NMRK1: variants seen among roughly 807,000 people sequenced by gnomAD.
NMRK1 encodes the protein nicotinamide riboside kinase 1.
NMRK1 carries 28 observed loss-of-function variants against 29.9 expected under a neutral mutation model. The ratio of observed to expected loss-of-function variants is 0.94; its 90% confidence interval spans 0.69 to 1.28. The LOEUF is 1.28. Among genes scored for constraint, NMRK1 ranks in the 50% most tolerant of loss-of-function variants. NMRK1 has a pLI of 0.00. For missense variants in NMRK1, 218 were observed against 233.1 expected (o/e 0.94, Z 0.42); for synonymous variants, 58 against 73.0 (o/e 0.79, Z 1.05).
At chr9:75,081,949 G>C in intron 2 of NMRK1, among the ~76,000 whole-genome samples, 1 of 152,158 alleles carries the variant, frequency 6.6e-6, no homozygotes, top group Middle Eastern at 3.2e-3. Flanking sequence ...ACACATAAAA[G>C]AGAGAAAAAC....
At chr9:75,077,674 C>T in intron 2 of NMRK1, 94 bp from the exon 3 acceptor site, 1 of 863,108 alleles carries the variant, frequency 1.2e-6, no homozygotes, top group Non-Finnish European at 1.9e-6. Context: ...CTCGCTGTGT[C>T]ACCAAGGCTG....
intron 2 of NMRK1, chr9:75,078,415 A>C: frequency 3.9e-6 from 6 of 1,551,592 alleles, no homozygotes; most frequent in Non-Finnish European, 5.2e-6. Flanking sequence ...GCTTATCACA[A>C]CAGGCCAGTT....
At chr9:75,069,535 T>G (rs1330745524) in intron 6 of NMRK1, 1 of 546,486 alleles carries the variant, frequency 1.8e-6, no homozygotes, top group African/African-American at 2.0e-5. Flanking sequence ...AAGCTTGATA[T>G]AAGGCCCTTT....
At chr9:75,063,183 G>A (rs1018146140) in intron 8 of NMRK1, among the ~76,000 whole-genome samples, 40 of 151,516 alleles carry the variant, frequency 2.6e-4, no homozygotes, top group African/African-American at 9.4e-4. Context: ...GCTGGCACCT[G>A]TGGTCTCAGT....
chr9:75,083,768 A>G (rs1284273495), intron 1 of NMRK1, among the ~76,000 whole-genome samples: 1 of 152,228 alleles, frequency 6.6e-6, no homozygotes, highest in Non-Finnish European at 1.5e-5. Flanking sequence ...CAGGCCAGAC[A>G]GTAAATATTT....
intron 1 of NMRK1, among the ~76,000 whole-genome samples, chr9:75,083,401 C>T (rs541374199): frequency 3.9e-5 from 6 of 152,220 alleles, no homozygotes; most frequent in Admixed American, 2.0e-4. Flanking sequence ...CCCCCTTGAA[C>T]GTCTGTTTTC....
chr9:75,065,834 A>G (rs1253390084), intron 8 of NMRK1, among the ~76,000 whole-genome samples: 1 of 152,242 alleles, frequency 6.6e-6, no homozygotes, highest in East Asian at 1.9e-4. Context: ...TTTATGCAAA[A>G]GAAGTGAGAA....
At chr9:75,085,601 A>C (rs2118282316) in intron 1 of NMRK1, among the ~76,000 whole-genome samples, 2 of 152,246 alleles carry the variant, frequency 1.3e-5, no homozygotes, top group South Asian at 4.1e-4. Context: ...ATGGCATGTA[A>C]ATAACAAGTG....
chr9:75,074,896 G>A (rs1337716583), intron 4 of NMRK1, among the ~76,000 whole-genome samples: 5 of 152,138 alleles, frequency 3.3e-5, no homozygotes, highest in African/African-American at 1.2e-4. Flanking sequence ...ATAGATTCCT[G>A]ATGTGAGATG....
chr9:75,082,570 A>G (rs917965097), intron 2 of NMRK1: 1 of 153,534 alleles, frequency 6.5e-6, no homozygotes, highest in Non-Finnish European at 1.4e-5. Flanking sequence ...AGGTAGGATG[A>G]CCATATAATT....
At chr9:75,070,822 T>A (rs570002564) in intron 4 of NMRK1, among the ~76,000 whole-genome samples, 2 of 152,342 alleles carry the variant, frequency 1.3e-5, no homozygotes, top group East Asian at 3.9e-4. Context: ...TTAGTTTTGG[T>A]AAGCGATGTC....
chr9:75,081,533 A>T (rs1053376459), intron 2 of NMRK1, among the ~76,000 whole-genome samples: 7 of 152,220 alleles, frequency 4.6e-5, no homozygotes, highest in Non-Finnish European at 7.3e-5. Flanking sequence ...GACAAGACAG[A>T]AGGTAGGTTT....
intron 1 of NMRK1, chr9:75,087,784 G>C (rs2118314724): frequency 6.6e-6 from 1 of 152,240 alleles, no homozygotes; most frequent in East Asian, 1.9e-4. Flanking sequence ...TGGAGGCAGC[G>C]TTCCCATTTT....
chr9:75,085,407 A>G (rs576449901), intron 1 of NMRK1, among the ~76,000 whole-genome samples: 1 of 152,350 alleles, frequency 6.6e-6, no homozygotes, highest in African/African-American at 2.4e-5. Flanking sequence ...TACTAACAGC[A>G]AAGAAAGGGT....
chr9:75,082,454 T>A (rs1220438241), intron 2 of NMRK1, among the ~76,000 whole-genome samples: 1 of 152,164 alleles, frequency 6.6e-6, no homozygotes, highest in Non-Finnish European at 1.5e-5. Context: ...TCACAAACAA[T>A]GTGAATATAC....
At position 75,077,404 on chromosome 9, in the gene NMRK1, C is replaced by T. The variant is rs1204660268; in HGVS notation, c.120+86G>A. 3.7e-6 allele frequency: 4 copies of T among 1,074,004 alleles called. No homozygotes were observed. In the African/African-American group the frequency reaches 6.4e-5, roughly 17 times the overall value. 66.5% of individuals were successfully genotyped at this position (1,074,004 alleles called of 1,614,324 possible). A position where few individuals can be genotyped will look rare whatever the true frequency, so the allele number is the denominator to read the frequency against. On this transcript the variant is annotated intron_variant, in intron 3 of 8. Transcript: ENST00000361092. ...TTCAATACAAAACGTAAATCTCTAGCCAAAGACTTCTTGGATGTAATTCAA... is the reference window on the plus strand; with the variant it reads ...TTCAATACAAAACGTAAATCTCTAGTCAAAGACTTCTTGGATGTAATTCAA...
chr9:75,069,736 A>C lies in NMRK1; in HGVS notation c.389+6T>G. On this transcript the variant is annotated splice_donor_region_variant and intron_variant, in intron 6 of 8. Transcript: ENST00000361092. ...TACAACTCACAAAGATGGCTTCAAA[A>C]CTTACCTCCTCCTCCTTTTACATTC... 1.2e-6 allele frequency: 2 copies of C among 1,607,814 alleles called. No homozygotes were observed. The highest frequency in any genetic ancestry group is 1.7e-6 in the Non-Finnish European group (2 of 1,176,942).
At chr9:75,064,769 A>T (rs898700287) in intron 8 of NMRK1, among the ~76,000 whole-genome samples, 2 of 152,150 alleles carry the variant, frequency 1.3e-5, no homozygotes, top group African/African-American at 4.8e-5. Flanking sequence ...GACTAGGGCA[A>T]TTGCTTCTCA....
chr9:75,063,645 T>G lies in NMRK1; in HGVS notation c.581-2078A>C, dbSNP rs574313162. On this transcript the variant is annotated intron_variant, in intron 8 of 8. Coordinates refer to ENST00000361092, the MANE Select transcript of NMRK1 (RefSeq NM_017881.3). The stretch of plus-strand genomic sequence containing the variant: ...CATTATTATTACCTTATCATAATTA[T>G]GATTTTATGTACTTAAGACTGAAAA... Among the ~76,000 whole-genome samples the G allele has an allele frequency of 1.7e-4, 26 of 152,312 alleles. No individual in the cohort carries two copies. The South Asian group carries it at 5.2e-3, about 30-fold the overall frequency.
Sources: allele counts gnomAD v4.1 joint callset (sites outside exome capture counted in the v4.1 genomes callset), GRCh38; gene constraint gnomAD v4.1.1; transcripts MANE v1.5; gene names NCBI Gene and HGNC (gene_info 2026-07-23, HGNC 2026-07-21).